The following SEL1L3 variants were observed in gnomAD, a reference collection of about 807,000 sequenced individuals.
The protein encoded by SEL1L3 is SEL1L family member 3, also known as protein sel-1 homolog 3.
In SEL1L3, 76 loss-of-function variants were observed where a neutral mutation model predicts 142.8. The ratio of observed to expected loss-of-function variants is 0.53; its 90% CI spans 0.44 to 0.64. SEL1L3 has a LOEUF of 0.64. Ranked by LOEUF, SEL1L3 falls within the 30% of genes least tolerant of loss-of-function variation. The probability of loss-of-function intolerance (pLI) is 0.00; values close to 1 mark genes in which losing one functional copy is unlikely to be tolerated. For missense variants in SEL1L3, 1,262 were observed against 1,381.7 expected (o/e 0.91, Z 1.37); for synonymous variants, 504 against 519.6 (o/e 0.97, Z 0.41).
intron 2 of SEL1L3, among the ~76,000 whole-genome samples, chr4:25,842,355 G>T (rs1267867907): frequency 6.6e-6 from 1 of 151,992 alleles, no homozygotes; most frequent in African/African-American, 2.4e-5. Flanking sequence ...CATGGAAAGT[G>T]GCAGTGGGGG....
At chr4:25,818,003 A>T in intron 9 of SEL1L3, 135 bp downstream of exon 9, 1 of 899,550 alleles carries the variant, frequency 1.1e-6, no homozygotes, top group Non-Finnish European at 1.7e-6. Flanking sequence ...GGCAGAATTT[A>T]AATCTGAAAT....
intron 16 of SEL1L3, among the ~76,000 whole-genome samples, chr4:25,777,404 T>C (rs1486216813): frequency 6.6e-6 from 1 of 152,144 alleles, no homozygotes; most frequent in East Asian, 1.9e-4. Flanking sequence ...GATTTTAATA[T>C]ACTTCTTTCA....
At chr4:25,846,574 C>A (rs1716525060) in intron 2 of SEL1L3, among the ~76,000 whole-genome samples, 1 of 151,992 alleles carries the variant, frequency 6.6e-6, no homozygotes. Context: ...GGAAGGGTTC[C>A]TTTAGGTTCT....
At chr4:25,839,774 T>C (rs1716056502) in intron 2 of SEL1L3, among the ~76,000 whole-genome samples, 1 of 152,152 alleles carries the variant, frequency 6.6e-6, no homozygotes, top group Non-Finnish European at 1.5e-5. Context: ...AATTTTTTTA[T>C]TGTTACCGTG....
chr4:25,792,479 A>T (rs1277139442), intron 11 of SEL1L3, among the ~76,000 whole-genome samples: 8 of 152,204 alleles, frequency 5.3e-5, no homozygotes. Context: ...GTGTGTATGG[A>T]GGGCAACCCA....
In SEL1L3 at chr4:25,862,693, C is replaced by G. The variant is rs1481357201; in HGVS notation, c.144G>C (p.Leu48=). Residue 48 remains leucine, a synonymous_variant, in exon 1 of 24, where the codon CTG becomes CTC. Transcript: ENST00000399878. ...CGCTCACCAGGTAGCAGAGCAGGAG[C>G]AGCGCGCAGGCAGAGCGGCCGCCGA... ...QGLGGRSACA[L]LLLCYLNVVP... 4.6e-6 allele frequency: 6 copies of G among 1,305,536 alleles called. No homozygotes were observed. The highest frequency in any genetic ancestry group is 4.9e-6 in the Non-Finnish European group (5 of 1,024,254). The allele number at this position is 1,305,536 out of a possible 1,614,324, so 80.9% of individuals were successfully genotyped here. A position where few individuals can be genotyped will look rare whatever the true frequency, so the allele number is the denominator to read the frequency against.
At chr4:25,752,348 C>T (rs1293168095) in intron 23 of SEL1L3, among the ~76,000 whole-genome samples, 16 of 137,332 alleles carry the variant, frequency 1.2e-4, no homozygotes, top group African/African-American at 1.4e-4. Context: ...ACCCCGGAGG[C>T]GGTGGTTGCA....
chr4:25,813,463 T>A (rs557683008), intron 9 of SEL1L3, among the ~76,000 whole-genome samples: 1 of 152,250 alleles, frequency 6.6e-6, no homozygotes, highest in African/African-American at 2.4e-5. Flanking sequence ...AAAAGACAAA[T>A]ACTGTGTAAA....
Position 25,862,965 on chromosome 4 carries a change from T to A in SEL1L3, c.-129A>T. 1 of 505,738 alleles carries A rather than the reference T, an allele frequency of 2.0e-6. No individual in the cohort carries two copies. 31.3% of individuals were successfully genotyped at this position (505,738 alleles called of 1,614,324 possible). Reference sequence around the variant, plus strand: ...GCGCGCGGGGCCACCTGCCGCCACCTCCGGACCCGCCGCCGCCGCCACTGC... The same window carrying A: ...GCGCGCGGGGCCACCTGCCGCCACCACCGGACCCGCCGCCGCCGCCACTGC... On this transcript the variant is annotated 5_prime_UTR_variant, in exon 1 of 24. Coordinates refer to ENST00000399878, the MANE Select transcript of SEL1L3 (RefSeq NM_015187.5).
At chr4:25,752,292 C>G (rs933312144) in intron 23 of SEL1L3, among the ~76,000 whole-genome samples, 1 of 150,192 alleles carries the variant, frequency 6.7e-6, no homozygotes, top group South Asian at 2.1e-4. Context: ...TGGCAGGTGC[C>G]TGTAGTCCCA....
At chr4:25,862,642 G>T in intron 1 of SEL1L3, 33 bp downstream of exon 1, 3 of 1,200,292 alleles carry the variant, frequency 2.5e-6, no homozygotes, top group South Asian at 3.3e-5. Flanking sequence ...GCCCCGCGCG[G>T]AGGGGAAGAC....
At chr4:25,836,372 C>T (rs570116548) in intron 2 of SEL1L3, among the ~76,000 whole-genome samples, 12 of 152,246 alleles carry the variant, frequency 7.9e-5, no homozygotes, top group East Asian at 7.7e-4. Context: ...CTTGGCTGGG[C>T]GTGGTGGCTC....
rs34954596 is a variant in SEL1L3, at chr4:25,804,697, C to T, written c.1620G>A (p.Lys540=). ...CAATGCTAGAGAGTCTCTTTACAGCCTTCTCAAATATCTTCCCACCGATTT... is the reference window on the plus strand; with the variant it reads ...CAATGCTAGAGAGTCTCTTTACAGCTTTCTCAAATATCTTCCCACCGATTT... ...VSEIGGKIFE[K]AVKRLSSIDG... is the part of the protein sequence containing the mutation. Residue 540 remains lysine, a synonymous_variant, in exon 10 of 24, where the codon AAG becomes AAA. Coordinates refer to ENST00000399878, the MANE Select transcript of SEL1L3 (RefSeq NM_015187.5). 43,075 of 1,613,614 alleles carry T rather than the reference C, an allele frequency of 0.027. 686 individuals carry two copies. The highest frequency in any genetic ancestry group is 0.043 in the Middle Eastern group (263 of 6,050).
At chr4:25,722,297 T>C in the SEL1L3 span, among the ~76,000 whole-genome samples, 1 of 152,196 alleles carries the variant, frequency 6.6e-6, no homozygotes, top group Non-Finnish European at 1.5e-5. Flanking sequence ...AAAGAGGACG[T>C]TACCTTCACA....
chr4:25,735,783 C>G, the SEL1L3 span, among the ~76,000 whole-genome samples: 5 of 150,614 alleles, frequency 3.3e-5, no homozygotes, highest in African/African-American at 9.8e-5. Context: ...ATGTTTTTGA[C>G]CAGTGGATTC....
intron 23 of SEL1L3, among the ~76,000 whole-genome samples, chr4:25,752,351 T>C (rs1308980669): frequency 7.9e-6 from 1 of 126,310 alleles, no homozygotes; most frequent in South Asian, 2.5e-4. Context: ...CCGGAGGCGG[T>C]GGTTGCAGTG....
chr4:25,856,112 C>G (rs943785802), intron 1 of SEL1L3, among the ~76,000 whole-genome samples: 2 of 152,280 alleles, frequency 1.3e-5, no homozygotes, highest in South Asian at 4.1e-4. Flanking sequence ...GACAACTGCC[C>G]TACATTCTAG....
At chr4:25,713,980 C>T in the SEL1L3 span, among the ~76,000 whole-genome samples, 2 of 152,126 alleles carry the variant, frequency 1.3e-5, no homozygotes, top group African/African-American at 2.4e-5. Context: ...TGCAATTTAT[C>T]TATTTATTTT....
chr4:25,764,934 C>T (rs987034190), intron 20 of SEL1L3, among the ~76,000 whole-genome samples: 3 of 152,100 alleles, frequency 2.0e-5, no homozygotes, highest in African/African-American at 7.2e-5. Context: ...GTAGTGTATA[C>T]ACACTGAAAG....
Sources: gnomAD v4.1 joint callset for allele counts (sites outside exome capture counted in the v4.1 genomes callset) on GRCh38, gnomAD v4.1.1 for gene constraint, MANE v1.5 for transcripts, NCBI Gene and HGNC (gene_info 2026-07-23, HGNC 2026-07-21) for gene names.